The following USP13 variants were observed in gnomAD, a reference collection of about 807,000 sequenced individuals.
USP13 encodes ubiquitin carboxyl-terminal hydrolase 13.
In USP13, 68 loss-of-function variants were observed where a neutral mutation model predicts 107.8. That is an observed-to-expected ratio of 0.63 (90% CI 0.52 to 0.77). The LOEUF (loss-of-function observed/expected upper bound fraction) is 0.77, where lower values mean the gene tolerates loss of function less well. Ranked by LOEUF, USP13 falls within the 30% of genes least tolerant of loss-of-function variation. The pLI, the probability that USP13 is intolerant of heterozygous loss-of-function variation, is 0.00. For synonymous variants in USP13, 377 were observed against 389.5 expected, an observed-to-expected ratio of 0.97 and a Z score of 0.38; for missense variants, 945 against 1,093.3, an observed-to-expected ratio of 0.86 and a Z score of 1.91.
chr3:179,753,318 T>C (rs1714676322), intron 14 of USP13, among the ~76,000 whole-genome samples: 1 of 152,240 alleles, frequency 6.6e-6, no homozygotes, highest in Non-Finnish European at 1.5e-5. Flanking sequence ...GGGCTGTTAC[T>C]GATCCTGCAG....
intron 1 of USP13, among the ~76,000 whole-genome samples, chr3:179,659,041 C>T (rs985930725): frequency 1.3e-5 from 2 of 152,178 alleles, no homozygotes; most frequent in East Asian, 1.9e-4. Context: ...CTTCCCTTCT[C>T]GCATTGGGAC....
At chr3:179,722,547 G>A (rs1713363703) in intron 8 of USP13, among the ~76,000 whole-genome samples, 1 of 152,114 alleles carries the variant, frequency 6.6e-6, no homozygotes. Flanking sequence ...GGGTATATGT[G>A]ATATTCTGAT....
intron 8 of USP13, among the ~76,000 whole-genome samples, chr3:179,727,210 G>A (rs542058511): frequency 7.9e-6 from 1 of 126,320 alleles, no homozygotes; most frequent in East Asian, 2.3e-4. Context: ...GGTGTTTCTC[G>A]CAGAGGGGGA....
At chr3:179,746,415 G>A (rs1298935911) in intron 13 of USP13, among the ~76,000 whole-genome samples, 2 of 150,936 alleles carry the variant, frequency 1.3e-5, no homozygotes, top group Admixed American at 1.3e-4. Flanking sequence ...CACCAAGCCC[G>A]GCTAATTTTT....
chr3:179,709,267 G>T (rs925174072), intron 6 of USP13, among the ~76,000 whole-genome samples: 1 of 152,302 alleles, frequency 6.6e-6, no homozygotes, highest in East Asian at 1.9e-4. Flanking sequence ...TTATCCTTCT[G>T]TGTATCTCTT....
At position 179,653,126 on chromosome 3, in the gene USP13, G is replaced by GCAGCCCGCCCGT; in HGVS notation, c.-91_-80dup. The GCAGCCCGCCCGT allele has an allele frequency of 1.0e-6, 1 of 970,562 alleles. No individual in the cohort carries two copies. Among genetic ancestry groups the GCAGCCCGCCCGT allele is most frequent in the Non-Finnish European group, 1.2e-6 (1 of 815,970 alleles). The allele number at this position is 970,562 out of a possible 1,614,324, so 60.1% of individuals were successfully genotyped here. On this transcript the variant is annotated 5_prime_UTR_variant, in exon 1 of 21. Coordinates refer to ENST00000263966, the MANE Select transcript of USP13 (RefSeq NM_003940.3). The surrounding 1 kb of genome is among the most constrained non-coding windows in gnomAD (Gnocchi z 4.0). ...GGCTCGGCCGGCTGCCGTTGCCCGC[G>GCAGCCCGCCCGT]CAGCCCGCCCGTCAGCCCGCTCGCT...
chr3:179,757,223 G>A (rs958821889), intron 16 of USP13, 145 bp downstream of exon 16: 1 of 850,380 alleles, frequency 1.2e-6, no homozygotes, highest in African/African-American at 1.7e-5. Context: ...GTGTCTGCTA[G>A]TCAGTGACAT....
rs1715929386 is a variant in USP13, at chr3:179,786,934, G to T, written c.*2793G>T. The T allele has an allele frequency of 6.6e-6, 1 of 151,980 alleles. No homozygotes were observed. Among genetic ancestry groups the T allele is most frequent in the Admixed American group, 6.6e-5 (1 of 15,266 alleles). 9.4% of individuals were successfully genotyped at this position (151,980 alleles called of 1,614,324 possible). A position where few individuals can be genotyped will look rare whatever the true frequency, so the allele number is the denominator to read the frequency against. ...TTCCAATGAATATGTCTTTGGAAAA[G>T]GTAATGTATCAAAGTTTTTATTTTG... On this transcript the variant is annotated 3_prime_UTR_variant, in exon 21 of 21. Coordinates refer to ENST00000263966, the MANE Select transcript of USP13 (RefSeq NM_003940.3).
intron 2 of USP13, among the ~76,000 whole-genome samples, chr3:179,686,800 C>T (rs1711889792): frequency 6.6e-6 from 1 of 152,224 alleles, no homozygotes; most frequent in Non-Finnish European, 1.5e-5. Context: ...TATGTTTTAG[C>T]TCTAATGTTA....
intron 19 of USP13, among the ~76,000 whole-genome samples, chr3:179,776,212 T>C (rs772571885): frequency 6.6e-6 from 1 of 152,006 alleles, no homozygotes; most frequent in Non-Finnish European, 1.5e-5. Context: ...ATGTTTCAGG[T>C]TTTGTGGGCC....
In USP13 at chr3:179,756,949, GTGGGGAGGGCAT is replaced by G. The variant is rs920083382; in HGVS notation, c.1922-99_1922-88del. The G allele has an allele frequency of 3.3e-5, 39 of 1,181,658 alleles. No homozygotes were observed. In the Admixed American group the frequency reaches 7.1e-4, roughly 21 times the overall value. The allele number at this position is 1,181,658 out of a possible 1,614,324, so 73.2% of individuals were successfully genotyped here. A position where few individuals can be genotyped will look rare whatever the true frequency, so the allele number is the denominator to read the frequency against. ...TGACAACAGTGTGTGGTCCCCAGGA[GTGGGGAGGGCAT>G]TGGAAATGCCCTGGATCAATGGGTT... is the stretch of plus-strand genomic sequence containing the variant. On this transcript the variant is annotated intron_variant, in intron 15 of 20. Coordinates refer to ENST00000263966, the MANE Select transcript of USP13 (RefSeq NM_003940.3).
chr3:179,687,149 A>G (rs1242460203), intron 2 of USP13, among the ~76,000 whole-genome samples: 1 of 152,190 alleles, frequency 6.6e-6, no homozygotes, highest in African/African-American at 2.4e-5. Flanking sequence ...CCAGCATTTC[A>G]TAGGTACTTC....
chr3:179,743,670 C>G (rs1714287347), intron 12 of USP13, among the ~76,000 whole-genome samples: 1 of 152,044 alleles, frequency 6.6e-6, no homozygotes, highest in Non-Finnish European at 1.5e-5. Flanking sequence ...GTTACTGACT[C>G]ACGTGTCTGC....
At chr3:179,706,043 A>G (rs1409014914) in intron 4 of USP13, among the ~76,000 whole-genome samples, 1 of 152,172 alleles carries the variant, frequency 6.6e-6, no homozygotes, top group East Asian at 1.9e-4. Flanking sequence ...GATTATTCTA[A>G]ATAATGCTAT....
intron 1 of USP13, among the ~76,000 whole-genome samples, chr3:179,671,971 G>C (rs1720761532): frequency 6.6e-6 from 1 of 152,214 alleles, no homozygotes; most frequent in South Asian, 2.1e-4. Flanking sequence ...AAAAACAAGT[G>C]TTACGCAGCG....
At chr3:179,688,222 C>CATCT (rs1711963361) in intron 2 of USP13, among the ~76,000 whole-genome samples, 1 of 147,574 alleles carries the variant, frequency 6.8e-6, no homozygotes, top group South Asian at 2.2e-4. Context: ...TCCATCCATC[C>CATCT]ATCCATCCAT....
intron 19 of USP13, among the ~76,000 whole-genome samples, chr3:179,766,490 T>G (rs1274460722): frequency 6.6e-6 from 1 of 152,232 alleles, no homozygotes; most frequent in Non-Finnish European, 1.5e-5. Context: ...TAGTGTTTTT[T>G]GAGTAGTAGC....
intron 19 of USP13, among the ~76,000 whole-genome samples, chr3:179,772,646 G>T (rs1022019669): frequency 6.6e-6 from 1 of 152,218 alleles, no homozygotes; most frequent in African/African-American, 2.4e-5. Context: ...CTCCCACTTA[G>T]CACTTGTTGC....
In USP13 at chr3:179,689,697, A is replaced by G. The variant is rs183229863; in HGVS notation, c.295-544A>G. 1.9e-3 allele frequency among the ~76,000 whole-genome samples: 286 copies of G among 152,226 alleles called. 3 individuals carry two copies. The highest frequency in any genetic ancestry group is 6.6e-3 in the African/African-American group (274 of 41,548). On this transcript the variant is annotated intron_variant, in intron 2 of 20. Coordinates refer to ENST00000263966, the MANE Select transcript of USP13 (RefSeq NM_003940.3). Reference sequence around the variant, plus strand: ...AAAAAAAAGAAAATACACGATGCTTACGATGGCAAACATAGCCACTTGTCG... The same window carrying G: ...AAAAAAAAGAAAATACACGATGCTTGCGATGGCAAACATAGCCACTTGTCG...
Sources: allele counts gnomAD v4.1 joint callset (sites outside exome capture counted in the v4.1 genomes callset), GRCh38; gene constraint gnomAD v4.1.1; non-coding constraint Gnocchi (gnomAD v3.1); transcripts MANE v1.5; gene names NCBI Gene and HGNC (gene_info 2026-07-23, HGNC 2026-07-21).